The following SHANK2 variants were observed in gnomAD, a reference collection of about 807,000 sequenced individuals.
SHANK2 encodes the protein SH3 and multiple ankyrin repeat domains protein 2.
A neutral mutation model predicts 133.7 loss-of-function variants in SHANK2; 43 were observed. The observed-to-expected ratio is 0.32, with a 90% CI of 0.25 to 0.41. SHANK2 has a LOEUF of 0.41. SHANK2 is among the 10% of genes least tolerant of loss of function. The pLI, the probability that SHANK2 is intolerant of heterozygous loss-of-function variation, is 1.00. For missense variants in SHANK2, 1,994 were observed against 2,235.8 expected, an observed-to-expected ratio of 0.89 and a Z score of 2.18; for synonymous variants, 1,017 against 952.8, an observed-to-expected ratio of 1.07 and a Z score of -1.24.
At chr11:70,626,248 T>C (rs2060904192) in intron 17 of SHANK2, among the ~76,000 whole-genome samples, 1 of 152,208 alleles carries the variant, frequency 6.6e-6, no homozygotes, top group African/African-American at 2.4e-5. Flanking sequence ...TTTCAAACGT[T>C]TTCTTTTACA....
chr11:70,610,082 G>A (rs2060639362), intron 17 of SHANK2, among the ~76,000 whole-genome samples: 1 of 150,882 alleles, frequency 6.6e-6, no homozygotes. Context: ...GGAGGTTCGG[G>A]GTTCCTTTTG....
rs542587801 is a variant in SHANK2, at chr11:70,592,870, C to T, written c.2061+66958G>A. On this transcript the variant is annotated intron_variant, in intron 17 of 25. Transcript: ENST00000601538. ...CAGCAGAGGGACACCCAGACATCCC[C>T]ACCTCGCCTGGGGTAGCACTCAGGG... 2.0e-5 allele frequency among the ~76,000 whole-genome samples: 3 copies of T among 152,244 alleles called. No individual in the cohort carries two copies. In the South Asian group the frequency reaches 6.2e-4, roughly 32 times the overall value.
intron 2 of SHANK2, among the ~76,000 whole-genome samples, chr11:71,158,770 TA>T (rs1555109438): frequency 1.3e-5 from 2 of 152,188 alleles, no homozygotes; most frequent in East Asian, 3.8e-4. Flanking sequence ...TAGATGGATT[TA>T]AAAAGCACAG....
At chr11:70,757,774 C>G (rs1420845995) in intron 14 of SHANK2, among the ~76,000 whole-genome samples, 1 of 152,166 alleles carries the variant, frequency 6.6e-6, no homozygotes, top group Non-Finnish European at 1.5e-5. Context: ...CCTGCGAGTC[C>G]TTCCAGAGGA....
chr11:70,583,652 C>A (rs1437021670), intron 17 of SHANK2, among the ~76,000 whole-genome samples: 1 of 152,208 alleles, frequency 6.6e-6, no homozygotes, highest in Non-Finnish European at 1.5e-5. Context: ...GAGCCCCCTC[C>A]ATCTTGAGTG....
chr11:71,148,062 C>T (rs1316950953), intron 2 of SHANK2, among the ~76,000 whole-genome samples: 3 of 151,152 alleles, frequency 2.0e-5, no homozygotes, highest in African/African-American at 7.3e-5. Flanking sequence ...TTGCCAATGG[C>T]CACCTTAGAC....
chr11:70,501,467 G>A (rs2059051481), intron 20 of SHANK2, among the ~76,000 whole-genome samples: 1 of 152,246 alleles, frequency 6.6e-6, no homozygotes, highest in Admixed American at 6.5e-5. Context: ...CATGTAAGCT[G>A]CCTTCACCAG....
intron 17 of SHANK2, among the ~76,000 whole-genome samples, chr11:70,563,206 T>TG (rs2059929516): frequency 6.6e-6 from 1 of 152,238 alleles, no homozygotes; most frequent in African/African-American, 2.4e-5. Context: ...TTATTTCCTC[T>TG]GTCACCTTAT....
intron 15 of SHANK2, among the ~76,000 whole-genome samples, chr11:70,666,090 G>A (rs933760896): frequency 6.6e-6 from 1 of 152,146 alleles, no homozygotes; most frequent in Non-Finnish European, 1.5e-5. Flanking sequence ...GGTGGGAGGT[G>A]GGCGAAGGAT....
intron 15 of SHANK2, among the ~76,000 whole-genome samples, chr11:70,681,159 T>C (rs1945021250): frequency 6.6e-6 from 1 of 152,164 alleles, no homozygotes; most frequent in Admixed American, 6.5e-5. Flanking sequence ...GGGTCCTGCC[T>C]CTTGAAGCAC....
At chr11:70,720,640 AC>A (rs1256968723) in intron 14 of SHANK2, among the ~76,000 whole-genome samples, 1 of 152,194 alleles carries the variant, frequency 6.6e-6, no homozygotes, top group Non-Finnish European at 1.5e-5. Flanking sequence ...TCTTGGCCCA[AC>A]ACCAGTCTCT....
intron 8 of SHANK2, among the ~76,000 whole-genome samples, chr11:71,083,216 T>C (rs1232240621): frequency 1.3e-5 from 2 of 152,110 alleles, no homozygotes; most frequent in Admixed American, 6.6e-5. Flanking sequence ...GCTGGGACTA[T>C]AGTGTGAGCC....
At chr11:71,084,242 A>T (rs1350880970) in intron 8 of SHANK2, among the ~76,000 whole-genome samples, 1 of 152,140 alleles carries the variant, frequency 6.6e-6, no homozygotes, top group Admixed American at 6.5e-5. Context: ...AAGTGCTGCG[A>T]TTACAGGCAT....
At chr11:71,214,433 A>AAC (rs1410019907) in intron 2 of SHANK2, among the ~76,000 whole-genome samples, 1 of 152,192 alleles carries the variant, frequency 6.6e-6, no homozygotes, top group Non-Finnish European at 1.5e-5. Context: ...CCACAGCCGA[A>AAC]ACACACACAG....
At chr11:71,177,585 AAAG>A (rs574831634) in intron 2 of SHANK2, among the ~76,000 whole-genome samples, 113 of 152,336 alleles carry the variant, frequency 7.4e-4, no homozygotes, top group African/African-American at 2.6e-3. Context: ...TATTAATCTA[AAAG>A]AAGACAGAAA....
At chr11:70,627,212 C>G (rs1317952825) in intron 17 of SHANK2, among the ~76,000 whole-genome samples, 1 of 152,226 alleles carries the variant, frequency 6.6e-6, no homozygotes, top group Non-Finnish European at 1.5e-5. Context: ...CTGCAGGTCT[C>G]CACCCTCCTG....
intron 17 of SHANK2, among the ~76,000 whole-genome samples, chr11:70,517,959 A>G (rs532420734): frequency 4.9e-4 from 74 of 152,328 alleles, no homozygotes; most frequent in African/African-American, 1.7e-3. Flanking sequence ...GGAGAGATAT[A>G]AGGGGGTATG....
At chr11:70,764,675 G>A (rs533436346) in intron 14 of SHANK2, among the ~76,000 whole-genome samples, 2 of 145,174 alleles carry the variant, frequency 1.4e-5, no homozygotes, top group Admixed American at 6.9e-5. Flanking sequence ...GCATCCACAC[G>A]TGCATCTATC....
chr11:71,149,127 G>C (rs782128345), intron 2 of SHANK2, among the ~76,000 whole-genome samples: 9 of 152,170 alleles, frequency 5.9e-5, no homozygotes, highest in Non-Finnish European at 1.2e-4. Context: ...GAGGGCAGGA[G>C]TGCAGGGGGC....
Sources: gnomAD v4.1 joint callset for allele counts (sites outside exome capture counted in the v4.1 genomes callset) on GRCh38, gnomAD v4.1.1 for gene constraint, MANE v1.5 for transcripts, NCBI Gene and HGNC (gene_info 2026-07-23, HGNC 2026-07-21) for gene names.